The following NMRAL1 variants were observed in gnomAD, a reference collection of about 807,000 sequenced individuals.
The protein encoded by NMRAL1 is NmrA like redox sensor 1.
Under a neutral mutation model 27.5 loss-of-function variants are expected in NMRAL1, and 32 were observed. The observed-to-expected ratio is 1.16, with a 90% CI of 0.88 to 1.56. NMRAL1 has a LOEUF of 1.56. Ranked by LOEUF, NMRAL1 falls within the 40% of genes most tolerant of loss-of-function variation. The probability of loss-of-function intolerance (pLI) is 0.00; values close to 1 mark genes in which losing one functional copy is unlikely to be tolerated. For missense variants in NMRAL1, 420 were observed against 392.0 expected (o/e 1.07, Z -0.60); for synonymous variants, 166 against 166.8 (o/e 1.00, Z 0.04).
chr16:4,473,158 G>A (rs550346383), intron 2 of NMRAL1, among the ~76,000 whole-genome samples: 56 of 151,930 alleles, frequency 3.7e-4, no homozygotes, highest in African/African-American at 1.0e-3. Context: ...TTGTAGAGAC[G>A]AGATTTTGCC....
At chr16:4,464,618 T>G (rs996132927) in intron 4 of NMRAL1, among the ~76,000 whole-genome samples, 6 of 148,504 alleles carry the variant, frequency 4.0e-5, no homozygotes, top group African/African-American at 7.5e-5. Flanking sequence ...CAGGTTTTTT[T>G]TTTTTTTTTT....
At chr16:4,465,599 T>C (rs2057290791) in intron 4 of NMRAL1, among the ~76,000 whole-genome samples, 1 of 152,140 alleles carries the variant, frequency 6.6e-6, no homozygotes, top group Non-Finnish European at 1.5e-5. Context: ...GGAGTGTTGC[T>C]CTTGTCGCCT....
At chr16:4,468,125 C>A (rs1453495064) in intron 3 of NMRAL1, among the ~76,000 whole-genome samples, 1 of 151,028 alleles carries the variant, frequency 6.6e-6, no homozygotes, top group East Asian at 2.0e-4. Context: ...CATGGAGAAA[C>A]CCCGTCTGTA....
chr16:4,464,576 G>A (rs914101629), intron 4 of NMRAL1, among the ~76,000 whole-genome samples: 17 of 151,204 alleles, frequency 1.1e-4, no homozygotes, highest in African/African-American at 3.2e-4. Context: ...GGCACAGAGC[G>A]CACAGACCGG....
In NMRAL1 at chr16:4,469,292, C is replaced by T; in HGVS notation, c.214G>A (p.Ala72Thr). The change falls in exon 3 of 6, where the codon GCT becomes ACT. Residue 72 changes from alanine to threonine, a missense_variant. Ala to Thr is a moderately conservative substitution (Grantham distance 58). Coordinates refer to ENST00000283429, the MANE Select transcript of NMRAL1 (RefSeq NM_020677.6). ...TTGGTCACGATGAAGGTGGCGTAAG[C>T]CCCATTCAGGGCCAGCTCCATGATG... ...QVIMELALNG[A>T]YATFIVTNYW... The T allele has an allele frequency of 6.2e-7, 1 of 1,614,144 alleles. No individual in the cohort carries two copies. Among genetic ancestry groups the T allele is most frequent in the South Asian group, 1.1e-5 (1 of 91,090 alleles).
At chr16:4,474,038 C>A in intron 2 of NMRAL1, 55 bp downstream of exon 2, 1 of 1,470,564 alleles carries the variant, frequency 6.8e-7, no homozygotes, top group Admixed American at 1.7e-5. Context: ...GACGGGCGGT[C>A]TTCAGGGCTA....
chr16:4,470,246 G>C (rs888967614), intron 2 of NMRAL1, among the ~76,000 whole-genome samples: 3 of 150,262 alleles, frequency 2.0e-5, no homozygotes, highest in African/African-American at 7.3e-5. Flanking sequence ...GAGGGGGGTA[G>C]ATCACCTGAA....
intron 3 of NMRAL1, among the ~76,000 whole-genome samples, chr16:4,468,035 C>T (rs2057395265): frequency 6.6e-6 from 1 of 152,078 alleles, no homozygotes; most frequent in Non-Finnish European, 1.5e-5. Context: ...CGCAGTGGCT[C>T]ATGCCCGCAG....
At chr16:4,466,552 A>G in intron 3 of NMRAL1, 150 bp from the exon 4 acceptor site, 1 of 705,134 alleles carries the variant, frequency 1.4e-6, no homozygotes, top group Non-Finnish European at 2.3e-6. Flanking sequence ...CTCTCCTGGA[A>G]TGATGTTCAC....
At chr16:4,475,594 G>A (rs2057798311), upstream of NMRAL1, among the ~76,000 whole-genome samples, 1 of 151,868 alleles carries the variant, frequency 6.6e-6, no homozygotes, top group Non-Finnish European at 1.5e-5. Context: ...TTACAGACAT[G>A]AGCCACCACA....
At chr16:4,471,634 A>AT (rs1245950485) in intron 2 of NMRAL1, among the ~76,000 whole-genome samples, 1 of 151,638 alleles carries the variant, frequency 6.6e-6, no homozygotes, top group East Asian at 1.9e-4. Flanking sequence ...AAAAAAAAAA[A>AT]AAAAAATTCT....
intron 3 of NMRAL1, among the ~76,000 whole-genome samples, chr16:4,468,349 C>G (rs1032801414): frequency 6.6e-6 from 1 of 151,976 alleles, no homozygotes; most frequent in Admixed American, 6.6e-5. Flanking sequence ...GGGCATGTGG[C>G]TTACGCCTGT....
intron 5 of NMRAL1, among the ~76,000 whole-genome samples, chr16:4,462,867 T>G (rs1403030225): frequency 6.6e-6 from 1 of 151,878 alleles, no homozygotes; most frequent in African/African-American, 2.4e-5. Context: ...AGATTCTTTT[T>G]TTTTTTTGGA....
chr16:4,474,091 ACC>A lies in NMRAL1; in HGVS notation c.40_40+1del. ...AGGGCCCCAGTCTGGGGTTTGGCTC[ACC>A]TGTGCCTCCGAAAACCACCACCAGT... is the stretch of plus-strand genomic sequence containing the variant. On this transcript the variant is annotated splice_donor_variant and coding_sequence_variant, in exon 2 of 6. Transcript: ENST00000283429. LOFTEE classifies it high-confidence loss of function. The A allele has an allele frequency of 6.2e-7, 1 of 1,611,594 alleles. No homozygotes were observed. The highest frequency in any genetic ancestry group is 8.5e-7 in the Non-Finnish European group (1 of 1,178,672).
Position 4,462,004 on chromosome 16 carries a change from C to T in NMRAL1, c.721-45G>A, listed in dbSNP as rs374990585. ...TCGTGGCCGGCGTCCTCCAGTGCCC[C>T]GGGAGGTGGCGGGGCAGGGAGGCCG... On this transcript the variant is annotated intron_variant, in intron 5 of 5. Coordinates refer to ENST00000283429, the MANE Select transcript of NMRAL1 (RefSeq NM_020677.6). 3.3e-5 allele frequency: 51 copies of T among 1,534,398 alleles called. No individual in the cohort carries two copies. The African/African-American group carries it at 5.1e-4, about 15-fold the overall frequency.
At chr16:4,470,254 G>A (rs1008656340) in intron 2 of NMRAL1, among the ~76,000 whole-genome samples, 2 of 150,038 alleles carry the variant, frequency 1.3e-5, no homozygotes, top group Admixed American at 1.3e-4. Context: ...TAGATCACCT[G>A]AAGTTGGGAG....
intron 4 of NMRAL1, chr16:4,464,261 C>CT (rs1410437964): frequency 9.5e-6 from 2 of 209,584 alleles, no homozygotes; most frequent in Non-Finnish European, 1.9e-5. Flanking sequence ...CTGAAGTACT[C>CT]TGTCATATCC....
At chr16:4,463,234 C>T (rs1437050536) in intron 5 of NMRAL1, among the ~76,000 whole-genome samples, 1 of 152,190 alleles carries the variant, frequency 6.6e-6, no homozygotes, top group Non-Finnish European at 1.5e-5. Flanking sequence ...AAGAGTCTGT[C>T]CAGTAGGCCT....
At chr16:4,473,959 G>A in intron 2 of NMRAL1, 134 bp downstream of exon 2, 2 of 631,962 alleles carry the variant, frequency 3.2e-6, no homozygotes, top group South Asian at 1.9e-5. Flanking sequence ...TTTGGGCCTC[G>A]TTCCTGCGAC....
Sources: gnomAD v4.1 joint callset for allele counts (sites outside exome capture counted in the v4.1 genomes callset) on GRCh38, gnomAD v4.1.1 for gene constraint, MANE v1.5 for transcripts, NCBI Gene and HGNC (gene_info 2026-07-23, HGNC 2026-07-21) for gene names.